RBFOX1: variants seen among roughly 807,000 people sequenced by gnomAD.
The protein encoded by RBFOX1 is RNA binding fox-1 homolog 1, also known as RNA binding protein fox-1 homolog 1.
In RBFOX1, 8 loss-of-function variants were observed where a neutral mutation model predicts 57.7. The observed-to-expected ratio is 0.14, with a 90% CI of 0.08 to 0.25. RBFOX1 has a LOEUF of 0.25. Ranked by LOEUF, RBFOX1 falls within the 10% of genes least tolerant of loss-of-function variation. The pLI is 1.00. For synonymous variants in RBFOX1, 326 were observed against 222.4 expected, an observed-to-expected ratio of 1.47 and a Z score of -4.15; for missense variants, 611 against 548.5, an observed-to-expected ratio of 1.11 and a Z score of -1.14.
At chr16:7,267,196 T>G (rs1290220682) in intron 4 of RBFOX1, among the ~76,000 whole-genome samples, 1 of 151,842 alleles carries the variant, frequency 6.6e-6, no homozygotes, top group Non-Finnish European at 1.5e-5. Flanking sequence ...GTCAGGTGTT[T>G]GAGACCAGCC....
chr16:6,515,989 C>T (rs144497642), intron 2 of RBFOX1, among the ~76,000 whole-genome samples: 1 of 152,170 alleles, frequency 6.6e-6, no homozygotes, highest in East Asian at 1.9e-4. Flanking sequence ...ATTTAGACTT[C>T]CTGGTTTTAT....
chr16:6,600,972 A>T (rs2097845989), intron 2 of RBFOX1, among the ~76,000 whole-genome samples: 1 of 152,178 alleles, frequency 6.6e-6, no homozygotes. Flanking sequence ...AGCCTCTTAA[A>T]TGTGATTATA....
At chr16:5,846,164 A>T (rs1468853535) in intron 3 of RBFOX1, among the ~76,000 whole-genome samples, 1 of 150,070 alleles carries the variant, frequency 6.7e-6, no homozygotes, top group Non-Finnish European at 1.5e-5. Flanking sequence ...CCTGGGCGAC[A>T]GAGTGAGGCA....
chr16:7,465,670 G>A lies in RBFOX1; in HGVS notation c.28-52477G>A, dbSNP rs1466670335. 2.6e-5 allele frequency among the ~76,000 whole-genome samples: 4 copies of A among 152,194 alleles called. No homozygotes were observed. The East Asian group carries it at 7.7e-4, about 29-fold the overall frequency. ...GCCCACTCTTTACTGGAGTCTTAGA[G>A]TATACCCTGGGGATCCTTTGCTTCT... On this transcript the variant is annotated intron_variant, in intron 4 of 15. Transcript: ENST00000550418.
At chr16:7,362,555 G>A (rs2146734937) in intron 4 of RBFOX1, among the ~76,000 whole-genome samples, 1 of 151,722 alleles carries the variant, frequency 6.6e-6, no homozygotes, top group Non-Finnish European at 1.5e-5. Context: ...TTAGTGTGTG[G>A]ATGTTTTGTT....
intron 3 of RBFOX1, among the ~76,000 whole-genome samples, chr16:6,980,525 A>G (rs902061387): frequency 6.6e-6 from 1 of 152,210 alleles, no homozygotes; most frequent in African/African-American, 2.4e-5. Context: ...ATGAACAGAA[A>G]AGTGTTTTCC....
chr16:6,350,176 C>T (rs1183861185), intron 2 of RBFOX1, among the ~76,000 whole-genome samples: 1 of 151,974 alleles, frequency 6.6e-6, no homozygotes, highest in Admixed American at 6.6e-5. Flanking sequence ...GTGTTTCACG[C>T]CTGTAATCCC....
intron 1 of RBFOX1, among the ~76,000 whole-genome samples, chr16:6,223,630 ATT>A (rs1369730369): frequency 6.6e-6 from 1 of 151,626 alleles, no homozygotes; most frequent in Non-Finnish European, 1.5e-5. Flanking sequence ...GGTTGCGAAA[ATT>A]TTCTCCCATT....
chr16:7,510,189 C>T, intron 4 of RBFOX1: 1 of 985,898 alleles, frequency 1.0e-6, no homozygotes, highest in Non-Finnish European at 1.2e-6. Context: ...CGATCATCCA[C>T]ACATTGCACA....
intron 4 of RBFOX1, among the ~76,000 whole-genome samples, chr16:7,315,667 T>TATATATATATATAA (rs1568172968): frequency 2.1e-5 from 3 of 143,572 alleles, no homozygotes; most frequent in Admixed American, 7.1e-5. Context: ...TATATATATA[T>TATATATATATATAA]GGAACATTAC....
At chr16:6,078,861 A>T (rs2095953227) in intron 1 of RBFOX1, among the ~76,000 whole-genome samples, 1 of 152,258 alleles carries the variant, frequency 6.6e-6, no homozygotes, top group African/African-American at 2.4e-5. Flanking sequence ...TCATGGTTCT[A>T]AGACTCTATC....
intron 6 of RBFOX1, among the ~76,000 whole-genome samples, chr16:7,581,723 C>A (rs892344124): frequency 1.3e-5 from 2 of 152,024 alleles, no homozygotes; most frequent in Non-Finnish European, 2.9e-5. Flanking sequence ...TTTCAGGGCT[C>A]TTGTTTTTAA....
chr16:6,364,649 C>G (rs1259513524), intron 2 of RBFOX1, among the ~76,000 whole-genome samples: 1 of 152,122 alleles, frequency 6.6e-6, no homozygotes. Context: ...CCATCTAGTT[C>G]TTTAGTTTCA....
chr16:5,940,286 A>C lies in RBFOX1; in HGVS notation c.351+72951A>C, dbSNP rs551797279. Among the ~76,000 whole-genome samples, 34 of 152,284 alleles carry C rather than the reference A, an allele frequency of 2.2e-4. No individual in the cohort carries two copies. In the South Asian group the frequency reaches 4.4e-3, roughly 19 times the overall value. Reference sequence around the variant, plus strand: ...CGCATCTTCCACCTAAGTTAAATTCAGTATTTGAACTAGATGGTCCCTAAA... The same window carrying C: ...CGCATCTTCCACCTAAGTTAAATTCCGTATTTGAACTAGATGGTCCCTAAA... On this transcript the variant is annotated intron_variant, in intron 4 of 19. Coordinates refer to the RBFOX1 transcript ENST00000641259.
At chr16:7,699,269 T>C (rs980797453) in intron 14 of RBFOX1, among the ~76,000 whole-genome samples, 1 of 83,266 alleles carries the variant, frequency 1.2e-5, no homozygotes, top group Non-Finnish European at 3.0e-5. Context: ...TAGCTTCCTG[T>C]AATCCTGGAC....
intron 3 of RBFOX1, among the ~76,000 whole-genome samples, chr16:7,049,814 A>G (rs60744261): frequency 0.022 from 3,362 of 152,308 alleles, 126 homozygotes; most frequent in African/African-American, 0.077. Flanking sequence ...CATCTTGTCA[A>G]GAACCGAAAC....
intron 3 of RBFOX1, among the ~76,000 whole-genome samples, chr16:5,821,805 G>C (rs2055867440): frequency 6.6e-6 from 1 of 152,144 alleles, no homozygotes; most frequent in Admixed American, 6.5e-5. Context: ...CATCCAGGAT[G>C]GTCTCTTGCT....
intron 2 of RBFOX1, among the ~76,000 whole-genome samples, chr16:6,530,811 C>G (rs1248569376): frequency 1.3e-5 from 2 of 151,526 alleles, no homozygotes; most frequent in African/African-American, 4.8e-5. Context: ...CGGGAAACAC[C>G]TGCCCCCATG....
At chr16:5,788,718 G>A (rs187508965) in intron 3 of RBFOX1, among the ~76,000 whole-genome samples, 6 of 152,246 alleles carry the variant, frequency 3.9e-5, no homozygotes, top group African/African-American at 1.2e-4. Context: ...CTCAGCGAGT[G>A]TAAGACACAC....
Sources: gnomAD v4.1 joint callset for allele counts (sites outside exome capture counted in the v4.1 genomes callset) on GRCh38, gnomAD v4.1.1 for gene constraint, MANE v1.5 for transcripts, NCBI Gene and HGNC (gene_info 2026-07-23, HGNC 2026-07-21) for gene names.